Variants in LMX1B observed in about 807,000 individuals in gnomAD.
LMX1B encodes LIM homeobox transcription factor 1-beta.
A neutral mutation model predicts 51.4 loss-of-function variants in LMX1B; 12 were observed. The observed-to-expected ratio is 0.23, with a 90% CI of 0.15 to 0.38. The LOEUF (loss-of-function observed/expected upper bound fraction) is 0.38, where lower values mean the gene tolerates loss of function less well. Among genes scored for constraint, LMX1B ranks in the 10% least tolerant of loss-of-function variants. The probability of loss-of-function intolerance (pLI) is 1.00; values close to 1 mark genes in which losing one functional copy is unlikely to be tolerated. For missense variants in LMX1B, 445 were observed against 571.1 expected, an observed-to-expected ratio of 0.78 and a Z score of 2.25; for synonymous variants, 237 against 235.4, an observed-to-expected ratio of 1.01 and a Z score of -0.06.
At chr9:126,628,327 T>C (rs1051594975) in intron 2 of LMX1B, among the ~76,000 whole-genome samples, 1 of 152,198 alleles carries the variant, frequency 6.6e-6, no homozygotes, top group Admixed American at 6.5e-5. Context: ...GACACATCTG[T>C]CCTCCACATG....
chr9:126,621,331 C>T (rs1329910122), intron 2 of LMX1B, among the ~76,000 whole-genome samples: 1 of 152,232 alleles, frequency 6.6e-6, no homozygotes, highest in Non-Finnish European at 1.5e-5. Context: ...GGCTGTCTGG[C>T]TGACCCAGCC....
chr9:126,692,563 G>C (rs912524465), intron 3 of LMX1B, among the ~76,000 whole-genome samples: 1 of 152,372 alleles, frequency 6.6e-6, no homozygotes, highest in South Asian at 2.1e-4. Context: ...GTGTGAATAC[G>C]CCTGTGAGTT....
At position 126,693,815 on chromosome 9, in the gene LMX1B, G is replaced by T; in HGVS notation, c.886+3G>T. 1 of 1,291,888 alleles carries T rather than the reference G, an allele frequency of 7.7e-7. No individual in the cohort carries two copies. 80.0% of individuals were successfully genotyped at this position (1,291,888 alleles called of 1,614,324 possible). Reference sequence around the variant, plus strand: ...GAACTCCCAGCGGCTGGGCCAGGGTGAGCCGGGGCCGGGGCAGGGCCTGGG... The same window carrying T: ...GAACTCCCAGCGGCTGGGCCAGGGTTAGCCGGGGCCGGGGCAGGGCCTGGG... On this transcript the variant is annotated splice_donor_region_variant and intron_variant, in intron 6 of 7. Coordinates refer to ENST00000373474, the MANE Select transcript of LMX1B (RefSeq NM_001174147.2).
At position 126,614,453 on chromosome 9, in the gene LMX1B, G is replaced by A; in HGVS notation, c.4G>A (p.Asp2Asn). 1 of 1,550,486 alleles carries A rather than the reference G, an allele frequency of 6.4e-7. No individual in the cohort carries two copies. The highest frequency in any genetic ancestry group is 1.2e-5 in the South Asian group (1 of 83,448). ...TCCGCAGCGCGCCCCGCGTCCCATG[G>A]ATATAGCAACAGGTCCCGAGTCGCT... M[D>N]IATGPESLER... Residue 2 changes from aspartate (D) to asparagine (N), a missense_variant, in exon 1 of 8, where the codon GAT (aspartate) becomes AAT (asparagine). Physicochemically the swap from Asp to Asn is conservative, Grantham distance 23 (BLOSUM62 1). This residue lies in a region of LMX1B where 273 missense variants were observed against 343.3 expected (regional missense o/e 0.80). Coordinates refer to ENST00000373474, the MANE Select transcript of LMX1B (RefSeq NM_001174147.2).
At chr9:126,664,144 C>T (rs376709657) in intron 2 of LMX1B, among the ~76,000 whole-genome samples, 1 of 152,046 alleles carries the variant, frequency 6.6e-6, no homozygotes, top group Admixed American at 6.5e-5. Context: ...CCTCCAGCCA[C>T]CTCCAGGCCA....
At chr9:126,646,469 T>C (rs1027362191) in intron 2 of LMX1B, among the ~76,000 whole-genome samples, 9 of 152,150 alleles carry the variant, frequency 5.9e-5, no homozygotes, top group African/African-American at 1.9e-4. Context: ...TCACTCAGGA[T>C]CCACTTCATA....
In LMX1B at chr9:126,697,889, G is replaced by GT. The variant is rs2030401754; in HGVS notation, c.*1441dup. ...GTTTTGTTTTGTTTTGTTTTGTTTTGTTTGAGACGGAGTTTCGCTCTTGTT... is the reference window on the plus strand; with the variant it reads ...GTTTTGTTTTGTTTTGTTTTGTTTTGTTTTGAGACGGAGTTTCGCTCTTGTT... On this transcript the variant is annotated 3_prime_UTR_variant, in exon 8 of 8. Transcript: ENST00000373474. 1 of 147,008 alleles carries GT rather than the reference G, an allele frequency of 6.8e-6. No homozygotes were observed. The highest frequency in any genetic ancestry group is 1.5e-5 in the Non-Finnish European group (1 of 68,324). The allele number at this position is 147,008 out of a possible 1,614,324, so 9.1% of individuals were successfully genotyped here. A position where few individuals can be genotyped will look rare whatever the true frequency, so the allele number is the denominator to read the frequency against.
At chr9:126,681,660 G>A (rs1371501672) in intron 2 of LMX1B, among the ~76,000 whole-genome samples, 2 of 152,080 alleles carry the variant, frequency 1.3e-5, no homozygotes, top group Non-Finnish European at 2.9e-5. Flanking sequence ...CAACACTTTG[G>A]GAGGCTGAGG....
In LMX1B at chr9:126,693,609, G is replaced by C. The variant is rs775751247; in HGVS notation, c.819+8G>C. On this transcript the variant is annotated splice_region_variant and intron_variant, in intron 5 of 7. Transcript: ENST00000373474. ...CAGAACCAAAGAGCAAAGGTAAGAG[G>C]CCACCCCCCATCCCCACTGGCCCCG... 6.2e-7 allele frequency: 1 copy of C among 1,613,882 alleles called. No homozygotes were observed. The highest frequency in any genetic ancestry group is 1.3e-5 in the African/African-American group (1 of 74,934).
rs768318838 is a variant in LMX1B at position 126,618,098 on chromosome 9, G to A, written c.326+2529G>A. On this transcript the variant is annotated intron_variant, in intron 2 of 7. Coordinates refer to ENST00000373474, the MANE Select transcript of LMX1B (RefSeq NM_001174147.2). This position sits in a 1 kb window ranked among gnomAD's most constrained non-coding sequence, Gnocchi z 4.5. Reference sequence around the variant, plus strand: ...GCAGATGCATATTTATTTCATCTGTGCGTAAATGCTTTTCAGACAGGAATC... The same window carrying A: ...GCAGATGCATATTTATTTCATCTGTACGTAAATGCTTTTCAGACAGGAATC... Among the ~76,000 whole-genome samples the A allele has an allele frequency of 1.3e-5, 2 of 151,978 alleles. No homozygotes were observed. The highest frequency in any genetic ancestry group is 2.9e-5 in the Non-Finnish European group (2 of 67,976).
chr9:126,655,143 C>T (rs1278370142), intron 2 of LMX1B, among the ~76,000 whole-genome samples: 2 of 152,244 alleles, frequency 1.3e-5, no homozygotes, highest in African/African-American at 4.8e-5. Context: ...GTGCTTTTGC[C>T]ATGGGATAAT....
At chr9:126,635,050 C>T (rs749882650) in intron 2 of LMX1B, among the ~76,000 whole-genome samples, 4 of 152,236 alleles carry the variant, frequency 2.6e-5, no homozygotes, top group Non-Finnish European at 5.9e-5. Context: ...CAGCCAGGCA[C>T]AAGCGCCATA....
At chr9:126,694,475 C>T (rs1218651206) in intron 6 of LMX1B, among the ~76,000 whole-genome samples, 1 of 152,180 alleles carries the variant, frequency 6.6e-6, no homozygotes, top group Non-Finnish European at 1.5e-5. Flanking sequence ...TGAGTCAGGC[C>T]CCCTCATCAC....
At chr9:126,656,439 G>A (rs1352806279) in intron 2 of LMX1B, among the ~76,000 whole-genome samples, 1 of 142,136 alleles carries the variant, frequency 7.0e-6, no homozygotes, top group Non-Finnish European at 1.6e-5. Context: ...AGATAGATAG[G>A]ATAGATAGAT....
rs1041621034 is a variant in LMX1B at position 126,693,330 on chromosome 9, G to T, written c.741+7G>T. The T allele has an allele frequency of 6.3e-7, 1 of 1,586,858 alleles. No individual in the cohort carries two copies. The highest frequency in any genetic ancestry group is 2.3e-5 in the East Asian group (1 of 43,126). On this transcript the variant is annotated splice_region_variant and intron_variant, in intron 4 of 7. Transcript: ENST00000373474. ...GTCGAAGCCTTGCCGAAAGGTGAGG[G>T]GCGGCCGGGGGGCGGGGCTCAGGCT...
At chr9:126,621,394 G>A (rs1375922115) in intron 2 of LMX1B, among the ~76,000 whole-genome samples, 2 of 152,202 alleles carry the variant, frequency 1.3e-5, no homozygotes, top group African/African-American at 4.8e-5. Context: ...GCAGCAAAGA[G>A]CAAAACCAAA....
chr9:126,669,675 T>C (rs1836414795), intron 2 of LMX1B, among the ~76,000 whole-genome samples: 1 of 152,168 alleles, frequency 6.6e-6, no homozygotes, highest in African/African-American at 2.4e-5. Flanking sequence ...CGTCTGTATA[T>C]GGCAGTATGT....
In LMX1B at chr9:126,693,230, G is replaced by A. The variant is rs550024836; in HGVS notation, c.648G>A (p.Pro216=). 84 of 1,610,966 alleles carry A rather than the reference G, an allele frequency of 5.2e-5. No individual in the cohort carries two copies. The highest frequency in any genetic ancestry group is 5.1e-4 in the East Asian group (23 of 44,768). Reference sequence around the variant, plus strand: ...GCAGCGGGGATGACGGGAAGGACCCGCGGAGGCCCAAGCGACCCCGGACCA... The same window carrying A: ...GCAGCGGGGATGACGGGAAGGACCCACGGAGGCCCAAGCGACCCCGGACCA... ...SKGSGDDGKD[P]RRPKRPRTIL... is the part of the protein sequence containing the mutation. Residue 216 remains proline (P), a synonymous_variant, in exon 4 of 8, where the codon CCG becomes CCA. Coordinates refer to ENST00000373474, the MANE Select transcript of LMX1B (RefSeq NM_001174147.2).
chr9:126,616,069 A>G (rs1447301846), intron 2 of LMX1B, among the ~76,000 whole-genome samples: 2 of 152,204 alleles, frequency 1.3e-5, no homozygotes, highest in Non-Finnish European at 2.9e-5. Flanking sequence ...TGCCAGGCTC[A>G]CTGCTGCACT....
Sources: gnomAD v4.1 joint callset for allele counts (sites outside exome capture counted in the v4.1 genomes callset) on GRCh38, gnomAD v4.1.1 for gene constraint, gnomAD v4.1.1 regional missense constraint, Gnocchi (gnomAD v3.1) non-coding constraint, MANE v1.5 for transcripts, NCBI Gene and HGNC (gene_info 2026-07-23, HGNC 2026-07-21) for gene names.